The following LSR variants were observed in gnomAD, a reference collection of about 807,000 sequenced individuals.
LSR encodes lipolysis stimulated lipoprotein receptor.
A neutral mutation model predicts 61.8 loss-of-function variants in LSR; 44 were observed. The ratio of observed to expected loss-of-function variants is 0.71; its 90% CI spans 0.56 to 0.91. The LOEUF is 0.91. Among genes scored for constraint, LSR ranks in the 40% least tolerant of loss-of-function variants. The probability of loss-of-function intolerance (pLI) is 0.00; values close to 1 mark genes in which losing one functional copy is unlikely to be tolerated. For synonymous variants in LSR, 397 were observed against 350.6 expected (o/e 1.13, Z -1.48); for missense variants, 911 against 830.5 (o/e 1.10, Z -1.19).
At position 35,258,988 on chromosome 19, in the gene LSR, T is replaced by C. The variant is rs1169730957; in HGVS notation, c.498T>C (p.Gly166=). The part of the protein sequence containing the change: ...TFDQTAWGDS[G]VYYCSVVSAQ... ...ACCAGACGGCGTGGGGGGACAGTGG[T>C]GTGTATTACTGCTCCGTGGTCTCAG... Residue 166 remains glycine, a synonymous_variant, in exon 3 of 10, where the codon GGT becomes GGC. Transcript: ENST00000605618. 2 of 1,613,896 alleles carry C rather than the reference T, an allele frequency of 1.2e-6. No homozygotes were observed. Among genetic ancestry groups the C allele is most frequent in the East Asian group, 4.5e-5 (2 of 44,858 alleles).
At position 35,266,706 on chromosome 19, in the gene LSR, T is replaced by C; in HGVS notation, c.980T>C (p.Leu327Pro). The part of the protein sequence containing the change: ...SAGGQGSYVP[L>P]LRDTDSSVAS... ...GGTGGCCAAGGCTCCTATGTACCCC[T>C]GCTTCGGGACACGGACAGCAGTGTG... is the stretch of plus-strand genomic sequence containing the variant. Residue 327 changes from leucine to proline, a missense_variant, in exon 7 of 10, where the codon CTG becomes CCG. Leu to Pro is a moderately conservative substitution (Grantham distance 98). Coordinates refer to ENST00000605618, the MANE Select transcript of LSR (RefSeq NM_205834.4). The C allele has an allele frequency of 1.9e-6, 3 of 1,609,288 alleles. No homozygotes were observed. The highest frequency in any genetic ancestry group is 2.5e-6 in the Non-Finnish European group (3 of 1,178,176).
chr19:35,267,342 T>C lies in LSR; in HGVS notation c.1378T>C (p.Ser460Pro). The C allele has an allele frequency of 6.4e-7, 1 of 1,574,232 alleles. No individual in the cohort carries two copies. Among genetic ancestry groups the C allele is most frequent in the Non-Finnish European group, 8.6e-7 (1 of 1,160,700 alleles). ...CCTCACCCCGCCGAGCACCGCCGAG[T>C]CAGGGAGCAGGTCTCCCACGAGTAA... The part of the protein sequence containing the change: ...DDLTPPSTAE[S>P]GSRSPTSNGG... Residue 460 changes from serine to proline, a missense_variant, in exon 9 of 10, where the codon TCA (serine) becomes CCA (proline). Transcript: ENST00000605618.
chr19:35,257,324 C>T (rs543070867), intron 2 of LSR, among the ~76,000 whole-genome samples: 2 of 152,210 alleles, frequency 1.3e-5, no homozygotes, highest in Non-Finnish European at 2.9e-5. Flanking sequence ...AAGCCCAGCC[C>T]ACAGGGGGAC....
chr19:35,253,012 C>A (rs1384596215), intron 2 of LSR, among the ~76,000 whole-genome samples: 1 of 148,948 alleles, frequency 6.7e-6, no homozygotes, highest in South Asian at 2.2e-4. Context: ...CAGAGTGAGA[C>A]CCTGTCTTGA....
Position 35,250,551 on chromosome 19 carries a change from G to C in LSR, c.346G>C (p.Val116Leu). 1 of 1,614,060 alleles carries C rather than the reference G, an allele frequency of 6.2e-7. No homozygotes were observed. Residue 116 changes from valine (V) to leucine (L), a missense_variant, in exon 2 of 10, where the codon GTT becomes CTT. Physicochemically the swap from Val to Leu is conservative, Grantham distance 32. Coordinates refer to ENST00000605618, the MANE Select transcript of LSR (RefSeq NM_205834.4). Reference protein sequence around the residue: ...AAGNPGYNPYVECQDSVRTVR... With the variant: ...AAGNPGYNPYLECQDSVRTVR... ...CGGGAACCCAGGCTACAACCCCTACGTTGAGTGCCAGGACAGCGTGCGCAC... is the reference window on the plus strand; with the variant it reads ...CGGGAACCCAGGCTACAACCCCTACCTTGAGTGCCAGGACAGCGTGCGCAC...
chr19:35,257,374 T>TGGC (rs1202679836), intron 2 of LSR, among the ~76,000 whole-genome samples: 1 of 152,286 alleles, frequency 6.6e-6, no homozygotes, highest in East Asian at 1.9e-4. Flanking sequence ...GGGGTGAGGC[T>TGGC]GGCACGGTAG....
In LSR at chr19:35,267,282, C is replaced by G. The variant is rs762086692; in HGVS notation, c.1318C>G (p.Arg440Gly). 1 of 1,511,738 alleles carries G rather than the reference C, an allele frequency of 6.6e-7. No homozygotes were observed. The highest frequency in any genetic ancestry group is 2.4e-5 in the East Asian group (1 of 41,032). The allele number at this position is 1,511,738 out of a possible 1,614,324, so 93.6% of individuals were successfully genotyped here. ...EQAGGGWRAR[R>G]PRARSVDALD... is the part of the protein sequence containing the mutation. ...GGCAGGCGGGGGCTGGCGGGCCAGG[C>G]GGCCCCGGGCCCGCTCCGTGGACGC... Residue 440 changes from arginine to glycine, a missense_variant, in exon 9 of 10, where the codon CGG (arginine) becomes GGG (glycine). Physicochemically the swap from Arg to Gly is moderately radical, Grantham distance 125. Transcript: ENST00000605618.
At position 35,267,805 on chromosome 19, in the gene LSR, CTT is replaced by C. The variant is rs751542674; in HGVS notation, c.1771-17_1771-16del. The stretch of plus-strand genomic sequence containing the variant: ...GCCGGTCCCCGCGGCTCATACCCTT[CTT>C]TCTTTCTCCCTTGCAGAACTTGGCC... On this transcript the variant is annotated splice_polypyrimidine_tract_variant and intron_variant, in intron 9 of 9. Coordinates refer to ENST00000605618, the MANE Select transcript of LSR (RefSeq NM_205834.4). The C allele has an allele frequency of 1.9e-6, 3 of 1,613,996 alleles. No homozygotes were observed. The highest frequency in any genetic ancestry group is 2.5e-6 in the Non-Finnish European group (3 of 1,179,924).
chr19:35,266,175 A>G (rs1294853028), intron 5 of LSR, among the ~76,000 whole-genome samples, 184 bp from the exon 6 acceptor site: 1 of 152,184 alleles, frequency 6.6e-6, no homozygotes, highest in Non-Finnish European at 1.5e-5. Context: ...GGTGTCCCCC[A>G]GCCTCAGGGA....
chr19:35,264,621 A>C (rs532389084), intron 5 of LSR: 2 of 152,340 alleles, frequency 1.3e-5, no homozygotes, highest in East Asian at 3.9e-4. Context: ...AGTCCAAGAT[A>C]CATGAACAGT....
intron 5 of LSR, among the ~76,000 whole-genome samples, chr19:35,265,185 CAGTG>C (rs1157012243): frequency 2.0e-5 from 3 of 152,198 alleles, no homozygotes; most frequent in South Asian, 2.1e-4. Flanking sequence ...GCTTTTTGCT[CAGTG>C]AGTAAGTGTT....
chr19:35,254,294 C>T (rs1287891506), intron 2 of LSR, among the ~76,000 whole-genome samples: 3 of 152,200 alleles, frequency 2.0e-5, no homozygotes, highest in African/African-American at 7.2e-5. Flanking sequence ...TGGGATTTCG[C>T]CATGTTGGCC....
At chr19:35,257,246 G>C (rs1010203875) in intron 2 of LSR, among the ~76,000 whole-genome samples, 1 of 152,192 alleles carries the variant, frequency 6.6e-6, no homozygotes, top group East Asian at 1.9e-4. Context: ...ATTTTCACCA[G>C]GCAAAGGATG....
At chr19:35,261,032 C>G (rs934830715) in intron 3 of LSR, among the ~76,000 whole-genome samples, 1 of 152,256 alleles carries the variant, frequency 6.6e-6, no homozygotes, top group Non-Finnish European at 1.5e-5. Context: ...TGACATGCCT[C>G]TGTCCTGTTG....
intron 2 of LSR, among the ~76,000 whole-genome samples, chr19:35,254,874 A>C (rs2065838295): frequency 6.6e-6 from 1 of 152,188 alleles, no homozygotes. Flanking sequence ...AGTTTTGAAA[A>C]TGTCAGACAG....
At chr19:35,259,339 A>G in intron 3 of LSR, 1 of 294,194 alleles carries the variant, frequency 3.4e-6, no homozygotes, top group Non-Finnish European at 6.4e-6. Flanking sequence ...CTCATTTTTA[A>G]AAAAAATCCA....
rs1446930157 is a variant in LSR at position 35,267,391 on chromosome 19, T to A, written c.1427T>A (p.Met476Lys). 6.2e-7 allele frequency: 1 copy of A among 1,605,612 alleles called. No individual in the cohort carries two copies. Among genetic ancestry groups the A allele is most frequent in the Admixed American group, 1.7e-5 (1 of 59,288 alleles). The change falls in exon 9 of 10, where the codon ATG becomes AAG. Residue 476 changes from methionine (M) to lysine (K), a missense_variant. Physicochemically the swap from Met to Lys is moderately conservative, Grantham distance 95. Transcript: ENST00000605618. The stretch of plus-strand genomic sequence containing the variant: ...AATGGTGGGAGAAGCCGGGCCTACA[T>A]GCCCCCGCGGAGCCGCAGCCGGGAC... ...TSNGGRSRAY[M>K]PPRSRSRDDL...
At chr19:35,262,896 GTTCTT>G (rs1258813418) in intron 5 of LSR, 29 of 604,386 alleles carry the variant, frequency 4.8e-5, no homozygotes, top group Non-Finnish European at 7.1e-5. Context: ...TATTTATGTT[GTTCTT>G]TTCTTTTGTA....
intron 5 of LSR, among the ~76,000 whole-genome samples, chr19:35,263,528 T>C (rs2065958481): frequency 6.6e-6 from 1 of 152,042 alleles, no homozygotes; most frequent in African/African-American, 2.4e-5. Context: ...GCTAATTTTT[T>C]GATTTTTGTT....
Sources: gnomAD v4.1 joint callset for allele counts (sites outside exome capture counted in the v4.1 genomes callset) on GRCh38, gnomAD v4.1.1 for gene constraint, MANE v1.5 for transcripts, NCBI Gene and HGNC (gene_info 2026-07-23, HGNC 2026-07-21) for gene names.